TTLL7: variants seen among roughly 807,000 people sequenced by gnomAD.
TTLL7 encodes tubulin tyrosine ligase like 7, also known as tubulin polyglutamylase TTLL7.
TTLL7 carries 53 observed loss-of-function variants against 120.2 expected under a neutral mutation model. The ratio of observed to expected loss-of-function variants is 0.44; its 90% confidence interval spans 0.35 to 0.55. The LOEUF (loss-of-function observed/expected upper bound fraction) is 0.55. Among genes scored for constraint, TTLL7 ranks in the 20% least tolerant of loss-of-function variants. The pLI is 0.00. For missense variants in TTLL7, 803 were observed against 1,054.7 expected, an observed-to-expected ratio of 0.76 and a Z score of 3.31; for synonymous variants, 353 against 351.7, an observed-to-expected ratio of 1.00 and a Z score of -0.04.
Position 83,999,098 on chromosome 1 carries a change from C to T in TTLL7, c.-344G>A, listed in dbSNP as rs1242176421. 1.1e-5 allele frequency: 5 copies of T among 441,580 alleles called. No individual in the cohort carries two copies. Among genetic ancestry groups the T allele is most frequent in the Non-Finnish European group, 2.2e-5 (5 of 222,508 alleles). The allele number at this position is 441,580 out of a possible 1,614,324, so 27.4% of individuals were successfully genotyped here. ...CCCACCGCCCGTGGCAGCCACGGCTCGGGACTCCGGTGCTCGACGCGGAGT... is the reference window on the plus strand; with the variant it reads ...CCCACCGCCCGTGGCAGCCACGGCTTGGGACTCCGGTGCTCGACGCGGAGT... On this transcript the variant is annotated 5_prime_UTR_variant, in exon 1 of 21. Transcript: ENST00000260505.
Position 83,892,401 on chromosome 1 carries a change from T to TAC in TTLL7, c.2209-1921_2209-1920insGT, listed in dbSNP as rs1655631405. ...ATATGAATATATATACGAATATATA[T>TAC]GAACATATATATGAACATATATATG... On this transcript the variant is annotated intron_variant, in intron 18 of 20. Coordinates refer to ENST00000260505, the MANE Select transcript of TTLL7 (RefSeq NM_024686.6). Among the ~76,000 whole-genome samples, 7 of 127,274 alleles carry TAC rather than the reference T, an allele frequency of 5.5e-5. 1 individual carries two copies. Among genetic ancestry groups the TAC allele is most frequent in the Admixed American group, 7.9e-5 (1 of 12,656 alleles). 83.5% of individuals were successfully genotyped at this position (127,274 alleles called of 152,430 possible). A position where few individuals can be genotyped will look rare whatever the true frequency, so the allele number is the denominator to read the frequency against.
At chr1:83,956,513 C>T (rs898504041) in intron 1 of TTLL7, among the ~76,000 whole-genome samples, 3 of 151,266 alleles carry the variant, frequency 2.0e-5, no homozygotes, top group Admixed American at 6.6e-5. Context: ...CTGCAACCTC[C>T]GCCTCCCGGG....
intron 1 of TTLL7, among the ~76,000 whole-genome samples, chr1:83,992,629 T>C (rs770412565): frequency 3.3e-4 from 50 of 152,050 alleles, no homozygotes; most frequent in Admixed American, 9.8e-4. Flanking sequence ...ATTTTTCACA[T>C]TGTAAAAATG....
At chr1:83,897,020 G>A (rs1656282517) in intron 18 of TTLL7, among the ~76,000 whole-genome samples, 1 of 152,004 alleles carries the variant, frequency 6.6e-6, no homozygotes, top group African/African-American at 2.4e-5. Flanking sequence ...CACCTGGTGA[G>A]GGTTCTTTTC....
rs986547404 is a variant in TTLL7, at chr1:83,865,847, G to C, written c.*4115C>G. 1 of 151,802 alleles carries C rather than the reference G, an allele frequency of 6.6e-6. No homozygotes were observed. The highest frequency in any genetic ancestry group is 1.5e-5 in the Non-Finnish European group (1 of 67,816). 9.4% of individuals were successfully genotyped at this position (151,802 alleles called of 1,614,324 possible). A position where few individuals can be genotyped will look rare whatever the true frequency, so the allele number is the denominator to read the frequency against. Reference sequence around the variant, plus strand: ...TTTCTTGAGGCTTTGTTAATACAAAGGTCAAAATTTCACCTTTGAACTAAA... The same window carrying C: ...TTTCTTGAGGCTTTGTTAATACAAACGTCAAAATTTCACCTTTGAACTAAA... On this transcript the variant is annotated 3_prime_UTR_variant, in exon 21 of 21. Transcript: ENST00000260505.
intron 19 of TTLL7, among the ~76,000 whole-genome samples, chr1:83,886,005 A>T (rs1265393564): frequency 6.6e-6 from 1 of 152,048 alleles, no homozygotes; most frequent in East Asian, 1.9e-4. Flanking sequence ...GCTCTCCCTA[A>T]TCCTCACAGC....
At chr1:83,987,915 T>C (rs906374069) in intron 1 of TTLL7, among the ~76,000 whole-genome samples, 1 of 152,228 alleles carries the variant, frequency 6.6e-6, no homozygotes, top group Non-Finnish European at 1.5e-5. Context: ...AGGGGGTACA[T>C]GTACAGGTTT....
At chr1:83,900,067 C>T in intron 18 of TTLL7, 1 of 365,550 alleles carries the variant, frequency 2.7e-6, no homozygotes, top group Non-Finnish European at 5.4e-6. Context: ...TCTTCCAATT[C>T]ACAAATATTA....
chr1:83,984,424 T>C (rs959876743), intron 1 of TTLL7: 5 of 152,232 alleles, frequency 3.3e-5, no homozygotes, highest in African/African-American at 9.6e-5. Flanking sequence ...ACTGGATATA[T>C]ATCCAAAAGA....
intron 1 of TTLL7, among the ~76,000 whole-genome samples, chr1:83,997,795 T>C (rs1328275313): frequency 6.6e-6 from 1 of 152,224 alleles, no homozygotes; most frequent in African/African-American, 2.4e-5. Context: ...AGAGTTCTTC[T>C]TACGTTTTTA....
intron 1 of TTLL7, among the ~76,000 whole-genome samples, chr1:83,993,942 TTTAAC>T (rs1360340855): frequency 6.6e-6 from 1 of 152,210 alleles, no homozygotes; most frequent in Non-Finnish European, 1.5e-5. Flanking sequence ...ACTTTTCTAC[TTTAAC>T]TTAACTCCAG....
At chr1:83,923,548 A>C (rs1658861303) in intron 10 of TTLL7, among the ~76,000 whole-genome samples, 2 of 152,154 alleles carry the variant, frequency 1.3e-5, no homozygotes, top group South Asian at 4.1e-4. Flanking sequence ...AACACACACA[A>C]AGAAGAATAA....
At chr1:83,908,014 A>C (rs1291574496) in intron 15 of TTLL7, among the ~76,000 whole-genome samples, 1 of 152,132 alleles carries the variant, frequency 6.6e-6, no homozygotes, top group Non-Finnish European at 1.5e-5. Flanking sequence ...TGCTACACTT[A>C]TATCTTAGTC....
intron 1 of TTLL7, among the ~76,000 whole-genome samples, chr1:83,970,425 A>T (rs1650866268): frequency 6.6e-6 from 1 of 152,128 alleles, no homozygotes; most frequent in Admixed American, 6.6e-5. Context: ...TACACACTGA[A>T]TTCATTTAAA....
chr1:83,875,599 G>T (rs1653855994), intron 20 of TTLL7, among the ~76,000 whole-genome samples: 1 of 151,800 alleles, frequency 6.6e-6, no homozygotes, highest in African/African-American at 2.4e-5. Flanking sequence ...AACTGTAAAA[G>T]GTACCAACTT....
intron 7 of TTLL7, among the ~76,000 whole-genome samples, chr1:83,938,258 T>C (rs1366332115): frequency 6.6e-6 from 1 of 152,142 alleles, no homozygotes; most frequent in Non-Finnish European, 1.5e-5. Flanking sequence ...ATATCTACCA[T>C]TAAAAAGTAT....
chr1:83,916,642 T>G (rs975068393), intron 14 of TTLL7, among the ~76,000 whole-genome samples: 3 of 151,486 alleles, frequency 2.0e-5, no homozygotes, highest in African/African-American at 7.3e-5. Flanking sequence ...AAGTATAATT[T>G]TAAAAAAAAG....
At chr1:83,942,358 G>C in intron 7 of TTLL7, 105 bp downstream of exon 7, 1 of 902,620 alleles carries the variant, frequency 1.1e-6, no homozygotes, top group Non-Finnish European at 1.7e-6. Context: ...ACAAAAACCT[G>C]AGAGGAGCAA....
At chr1:83,963,366 G>A (rs1241315799) in intron 1 of TTLL7, among the ~76,000 whole-genome samples, 2 of 151,836 alleles carry the variant, frequency 1.3e-5, no homozygotes, top group East Asian at 3.9e-4. Flanking sequence ...TGCAGTTGCT[G>A]GTCCCCATCC....
Sources: gnomAD v4.1 joint callset for allele counts (sites outside exome capture counted in the v4.1 genomes callset) on GRCh38, gnomAD v4.1.1 for gene constraint, MANE v1.5 for transcripts, NCBI Gene and HGNC (gene_info 2026-07-23, HGNC 2026-07-21) for gene names.